The following SUN5 variants were observed in gnomAD, a reference collection of about 807,000 sequenced individuals.
The protein encoded by SUN5 is Sad1 and UNC84 domain containing 5.
SUN5 carries 44 observed loss-of-function variants against 53.7 expected under a neutral mutation model. The observed-to-expected ratio is 0.82, with a 90% CI of 0.64 to 1.05. The LOEUF is 1.05. Among genes scored for constraint, SUN5 ranks in the 50% least tolerant of loss-of-function variants. The pLI, the probability that SUN5 is intolerant of heterozygous loss-of-function variation, is 0.00. For missense variants in SUN5, 433 were observed against 483.8 expected, an observed-to-expected ratio of 0.90 and a Z score of 0.98; for synonymous variants, 166 against 179.8, an observed-to-expected ratio of 0.92 and a Z score of 0.62.
At chr20:32,995,511 C>T in intron 8 of SUN5, 108 bp downstream of exon 8, 3 of 872,090 alleles carry the variant, frequency 3.4e-6, no homozygotes, top group South Asian at 1.6e-5. Context: ...GGGGGATGTG[C>T]TCCCTCAAAA....
intron 5 of SUN5, among the ~76,000 whole-genome samples, chr20:32,998,792 G>C (rs549465506): frequency 1.3e-5 from 2 of 151,744 alleles, no homozygotes; most frequent in South Asian, 4.2e-4. Flanking sequence ...GCTGAGATAC[G>C]ATGGTTTGAG....
chr20:33,001,550 C>CTTTCTTTCTTTG (rs1990023699), intron 3 of SUN5, among the ~76,000 whole-genome samples: 1 of 139,052 alleles, frequency 7.2e-6, no homozygotes, highest in Non-Finnish European at 1.5e-5. Flanking sequence ...TTCTTTCTTT[C>CTTTCTTTCTTTG]TTTCTTTCTT....
At chr20:32,988,343 G>A (rs1198860541) in intron 9 of SUN5, among the ~76,000 whole-genome samples, 1 of 152,186 alleles carries the variant, frequency 6.6e-6, no homozygotes, top group Non-Finnish European at 1.5e-5. Context: ...GCCCGAGTTG[G>A]AGGTGCTGCC....
At chr20:32,997,267 C>A (rs958121196) in intron 6 of SUN5, among the ~76,000 whole-genome samples, 41 of 152,142 alleles carry the variant, frequency 2.7e-4, no homozygotes, top group South Asian at 8.3e-4. Flanking sequence ...TCCTCAGAAA[C>A]CTGAAAGCAA....
intron 4 of SUN5, among the ~76,000 whole-genome samples, chr20:33,000,807 C>T (rs982590401): frequency 2.6e-5 from 4 of 151,150 alleles, no homozygotes; most frequent in African/African-American, 4.9e-5. Context: ...ATGGCACCAC[C>T]GCACTCCAGC....
intron 4 of SUN5, 140 bp downstream of exon 4, chr20:33,001,072 G>A: frequency 1.1e-6 from 1 of 894,052 alleles, no homozygotes; most frequent in Non-Finnish European, 1.7e-6. Flanking sequence ...TGGGGTGGGA[G>A]TGTTTGATAA....
rs1392249218 is a variant in SUN5 at position 32,995,613 on chromosome 20, T to C, written c.534+6A>G. On this transcript the variant is annotated splice_donor_region_variant and intron_variant, in intron 8 of 12. Transcript: ENST00000356173. ...GATGTTTGGGGCAGAATGGCCAGCGTCTCACCTCATCGGACATGGCTTCCA... is the reference window on the plus strand; with the variant it reads ...GATGTTTGGGGCAGAATGGCCAGCGCCTCACCTCATCGGACATGGCTTCCA... 6.2e-7 allele frequency: 1 copy of C among 1,613,324 alleles called. No individual in the cohort carries two copies. The highest frequency in any genetic ancestry group is 8.5e-7 in the Non-Finnish European group (1 of 1,179,298).
At chr20:33,001,092 T>G in intron 4 of SUN5, 120 bp downstream of exon 4, 2 of 1,167,670 alleles carry the variant, frequency 1.7e-6, no homozygotes, top group East Asian at 2.6e-5. Context: ...AAAGCCAGGT[T>G]TGGGATAGCT....
At position 32,988,218 on chromosome 20, in the gene SUN5, C is replaced by T. The variant is rs931114057; in HGVS notation, c.614-443G>A. ...CACGTAACAGTCTTGTGATGACGAC[C>T]GACACCCATTGTGCAGAGGAGGAAA... On this transcript the variant is annotated intron_variant, in intron 9 of 12. Coordinates refer to ENST00000356173, the MANE Select transcript of SUN5 (RefSeq NM_080675.4). 7.2e-5 allele frequency among the ~76,000 whole-genome samples: 11 copies of T among 152,154 alleles called. No individual in the cohort carries two copies. In the East Asian group the frequency reaches 1.7e-3, roughly 24 times the overall value.
chr20:32,985,289 C>T (rs1325068452), intron 11 of SUN5, 104 bp from the exon 12 acceptor site: 2 of 1,018,074 alleles, frequency 2.0e-6, no homozygotes, highest in Admixed American at 4.0e-5. Flanking sequence ...GATGGGAGCT[C>T]ACTACCTCTT....
chr20:32,985,610 C>T, intron 11 of SUN5, 126 bp downstream of exon 11: 1 of 1,249,378 alleles, frequency 8.0e-7, no homozygotes, highest in Non-Finnish European at 1.1e-6. Flanking sequence ...CCAGCCTTAA[C>T]CAAGCTGCAT....
chr20:32,985,638 C>T, intron 11 of SUN5, 98 bp downstream of exon 11: 1 of 1,448,542 alleles, frequency 6.9e-7, no homozygotes. Flanking sequence ...CTCCAGCCTG[C>T]AAGTGTTGTG....
chr20:32,990,885 C>G (rs1361960672), intron 8 of SUN5, among the ~76,000 whole-genome samples: 2 of 152,166 alleles, frequency 1.3e-5, no homozygotes, highest in East Asian at 3.8e-4. Flanking sequence ...TTTCACACCC[C>G]TAAGTTTTGG....
intron 3 of SUN5, among the ~76,000 whole-genome samples, chr20:33,002,051 G>A (rs972576603): frequency 1.3e-5 from 2 of 152,172 alleles, no homozygotes; most frequent in African/African-American, 4.8e-5. Flanking sequence ...GGCCTTGTCT[G>A]GTTCATCCCA....
At chr20:32,987,865 G>A (rs1364160353) in intron 9 of SUN5, 90 bp from the exon 10 acceptor site, 15 of 982,828 alleles carry the variant, frequency 1.5e-5, no homozygotes, top group Admixed American at 6.4e-5. Context: ...TGTGCCGGGC[G>A]AGCATTTTGG....
Position 32,997,990 on chromosome 20 carries a change from C to T in SUN5, c.341-303G>A, listed in dbSNP as rs536172667. ...GGGATAACTGGCAAAGAGAAGAAGG[C>T]GCTCTGCATTTTATGATCTCCATGC... On this transcript the variant is annotated intron_variant, in intron 5 of 12. Transcript: ENST00000356173. Among the ~76,000 whole-genome samples, 45 of 152,156 alleles carry T rather than the reference C, an allele frequency of 3.0e-4. No individual in the cohort carries two copies. The East Asian group carries it at 3.1e-3, about 10-fold the overall frequency.
intron 5 of SUN5, 71 bp downstream of exon 5, chr20:33,000,003 C>A (rs745729731): frequency 4.3e-5 from 67 of 1,571,390 alleles, no homozygotes; most frequent in African/African-American, 6.7e-5. Flanking sequence ...GTGTCTTGCC[C>A]AGTGTCCTAT....
intron 2 of SUN5, 94 bp from the exon 3 acceptor site, chr20:33,002,755 C>T (rs1990085821): frequency 6.3e-6 from 10 of 1,594,620 alleles, no homozygotes; most frequent in African/African-American, 1.3e-5. Flanking sequence ...TGCGAACATC[C>T]CTGCCCCTGC....
Position 32,984,026 on chromosome 20 carries a change from G to C in SUN5, c.985-77C>G. The C allele has an allele frequency of 1.4e-6, 2 of 1,425,862 alleles. 1 individual carries two copies. Among genetic ancestry groups the C allele is most frequent in the South Asian group, 3.4e-5 (2 of 58,188 alleles). 88.3% of individuals were successfully genotyped at this position (1,425,862 alleles called of 1,614,324 possible). ...CTTTCCAAAGGTGGGGAGTGGAAGG[G>C]AAGTTTCCCATTTCATAGGTGGGAA... On this transcript the variant is annotated intron_variant, in intron 12 of 12. Coordinates refer to ENST00000356173, the MANE Select transcript of SUN5 (RefSeq NM_080675.4).
Sources: gnomAD v4.1 joint callset for allele counts (sites outside exome capture counted in the v4.1 genomes callset) on GRCh38, gnomAD v4.1.1 for gene constraint, MANE v1.5 for transcripts, NCBI Gene and HGNC (gene_info 2026-07-23, HGNC 2026-07-21) for gene names.